LDLRAD3: variants seen among roughly 807,000 people sequenced by gnomAD.
The protein encoded by LDLRAD3 is low-density lipoprotein receptor class A domain-containing protein 3.
LDLRAD3 carries 20 observed loss-of-function variants against 29.4 expected under a neutral mutation model. The observed-to-expected ratio is 0.68, with a 90% CI of 0.48 to 0.99. The LOEUF (loss-of-function observed/expected upper bound fraction) is 0.99. Among genes scored for constraint, LDLRAD3 ranks in the 50% least tolerant of loss-of-function variants. The probability of loss-of-function intolerance (pLI) is 0.00; values close to 1 mark genes in which losing one functional copy is unlikely to be tolerated. For synonymous variants in LDLRAD3, 157 were observed against 192.7 expected (o/e 0.81, Z 1.53); for missense variants, 420 against 454.3 (o/e 0.92, Z 0.69).
intron 4 of LDLRAD3, among the ~76,000 whole-genome samples, chr11:36,190,916 C>T (rs1854931610): frequency 6.6e-6 from 1 of 152,186 alleles, no homozygotes; most frequent in Non-Finnish European, 1.5e-5. Context: ...TAACATTGGA[C>T]ATGAGAAGAC....
In LDLRAD3 at chr11:36,128,117, C is replaced by CATATATATAT. The variant is rs57687795; in HGVS notation, c.454+29665_454+29674dup. 2.7e-3 allele frequency among the ~76,000 whole-genome samples: 272 copies of CATATATATAT among 98,976 alleles called. 34 individuals carry two copies. The highest frequency in any genetic ancestry group is 0.01 in the Middle Eastern group (2 of 200). 64.9% of individuals were successfully genotyped at this position (98,976 alleles called of 152,430 possible). ...CGTATTGATGGCAGAGTTGTTTTTA[C>CATATATATAT]ATATATATATATATATATGTATATG... On this transcript the variant is annotated intron_variant, in intron 4 of 5. Transcript: ENST00000315571.
At chr11:35,981,443 A>T (rs2133157284) in intron 1 of LDLRAD3, among the ~76,000 whole-genome samples, 1 of 152,366 alleles carries the variant, frequency 6.6e-6, no homozygotes, top group African/African-American at 2.4e-5. Context: ...GTGAAAAACA[A>T]ACAAGAACAA....
intron 4 of LDLRAD3, among the ~76,000 whole-genome samples, chr11:36,218,053 G>A (rs754012493): frequency 4.6e-5 from 7 of 152,174 alleles, no homozygotes; most frequent in Non-Finnish European, 8.8e-5. Context: ...GATGGTGCAA[G>A]GATTAAAAGT....
At chr11:36,168,498 CTTTT>C (rs5791083) in intron 4 of LDLRAD3, among the ~76,000 whole-genome samples, 3,017 of 115,806 alleles carry the variant, frequency 0.026, 117 homozygotes, top group African/African-American at 0.093. Flanking sequence ...TTTCTTTCTT[CTTTT>C]TTTTTTTTTT....
At chr11:36,096,414 G>A (rs904270344) in intron 3 of LDLRAD3, among the ~76,000 whole-genome samples, 5 of 152,098 alleles carry the variant, frequency 3.3e-5, no homozygotes, top group Admixed American at 1.3e-4. Context: ...GCTGGGCCTG[G>A]CGTCTGTTCT....
At chr11:36,041,224 G>A (rs1025674380) in intron 2 of LDLRAD3, among the ~76,000 whole-genome samples, 1 of 152,236 alleles carries the variant, frequency 6.6e-6, no homozygotes, top group African/African-American at 2.4e-5. Context: ...CTTCCTCTAG[G>A]CCACACTATC....
chr11:35,979,887 T>C (rs117019237), intron 1 of LDLRAD3, among the ~76,000 whole-genome samples: 1,831 of 152,332 alleles, frequency 0.012, 13 homozygotes, highest in Admixed American at 0.021. Context: ...GGATATATCC[T>C]CTTCCCTTTA....
At chr11:36,068,862 C>G (rs1852843955) in intron 2 of LDLRAD3, among the ~76,000 whole-genome samples, 1 of 152,140 alleles carries the variant, frequency 6.6e-6, no homozygotes, top group South Asian at 2.1e-4. Flanking sequence ...GACCTCTTAA[C>G]CCTAGGCTGT....
chr11:36,167,845 T>C (rs1024393279), intron 4 of LDLRAD3, among the ~76,000 whole-genome samples: 3 of 152,160 alleles, frequency 2.0e-5, no homozygotes, highest in African/African-American at 7.2e-5. Context: ...AAGAACATCA[T>C]CACAAAGCCA....
chr11:36,114,240 A>G (rs1330757134), intron 4 of LDLRAD3, among the ~76,000 whole-genome samples: 1 of 152,164 alleles, frequency 6.6e-6, no homozygotes, highest in Non-Finnish European at 1.5e-5. Flanking sequence ...AGCCTGAGAG[A>G]GAACTCTCAG....
At chr11:36,079,053 C>A (rs1412961708) in intron 2 of LDLRAD3, among the ~76,000 whole-genome samples, 2 of 152,160 alleles carry the variant, frequency 1.3e-5, no homozygotes, top group Non-Finnish European at 2.9e-5. Flanking sequence ...TTTTTGGCTC[C>A]CTCAGGGACG....
intron 5 of LDLRAD3, 142 bp downstream of exon 5, chr11:36,227,572 G>A (rs1256689099): frequency 1.0e-5 from 6 of 592,192 alleles, no homozygotes; most frequent in East Asian, 3.1e-5. Context: ...GACATTTGCC[G>A]AGTCCTCGCA....
intron 2 of LDLRAD3, among the ~76,000 whole-genome samples, chr11:36,081,209 T>C (rs1853108539): frequency 6.6e-6 from 1 of 152,180 alleles, no homozygotes; most frequent in Non-Finnish European, 1.5e-5. Context: ...GATTGCTGGG[T>C]GGATTAAATG....
chr11:35,950,752 T>C (rs1036554233), intron 1 of LDLRAD3, among the ~76,000 whole-genome samples: 1 of 152,186 alleles, frequency 6.6e-6, no homozygotes, highest in Non-Finnish European at 1.5e-5. Flanking sequence ...ACGTGTCTTA[T>C]TTTGTTATAA....
intron 4 of LDLRAD3, among the ~76,000 whole-genome samples, chr11:36,220,170 A>G (rs577878180): frequency 6.6e-6 from 1 of 152,336 alleles, no homozygotes; most frequent in East Asian, 1.9e-4. Context: ...GATGGCTAAA[A>G]TTAAAAAGAC....
In LDLRAD3 at chr11:36,229,405, T is replaced by G; in HGVS notation, c.*8T>G. ...GGCACTGAAGAAGTATAAGTCCCAGTTATTCCAAAGTCCATATGGGTTAAT... is the reference window on the plus strand; with the variant it reads ...GGCACTGAAGAAGTATAAGTCCCAGGTATTCCAAAGTCCATATGGGTTAAT... On this transcript the variant is annotated 3_prime_UTR_variant, in exon 6 of 6. Transcript: ENST00000315571. The G allele has an allele frequency of 6.3e-7, 1 of 1,588,148 alleles. No homozygotes were observed. The highest frequency in any genetic ancestry group is 1.7e-4 in the Middle Eastern group (1 of 5,998).
rs12284237 is a variant in LDLRAD3, at chr11:36,120,406, G to T, written c.454+21945G>T. 7.2e-3 allele frequency among the ~76,000 whole-genome samples: 1,099 copies of T among 152,250 alleles called. 12 individuals are homozygous for T. The highest frequency in any genetic ancestry group is 0.024 in the African/African-American group (988 of 41,536). Reference sequence around the variant, plus strand: ...AGTTGTAGCAGTAGTTGTACTCATTGGAAACTGTCCTGTGAGTGTTTAGTA... The same window carrying T: ...AGTTGTAGCAGTAGTTGTACTCATTTGAAACTGTCCTGTGAGTGTTTAGTA... On this transcript the variant is annotated intron_variant, in intron 4 of 5. Transcript: ENST00000315571.
chr11:36,046,885 G>T (rs1042143957), intron 2 of LDLRAD3, among the ~76,000 whole-genome samples: 4 of 152,190 alleles, frequency 2.6e-5, no homozygotes, highest in Non-Finnish European at 4.4e-5. Context: ...TGATTCAAAT[G>T]AGAAAATAAA....
intron 4 of LDLRAD3, among the ~76,000 whole-genome samples, chr11:36,164,369 C>A (rs946338134): frequency 6.6e-6 from 1 of 152,210 alleles, no homozygotes; most frequent in Non-Finnish European, 1.5e-5. Context: ...ACTCATCACT[C>A]AAATGGAATT....
Sources: gnomAD v4.1 joint callset for allele counts (sites outside exome capture counted in the v4.1 genomes callset) on GRCh38, gnomAD v4.1.1 for gene constraint, MANE v1.5 for transcripts, NCBI Gene and HGNC (gene_info 2026-07-23, HGNC 2026-07-21) for gene names.